Variants in ZBTB46 observed in about 807,000 individuals in gnomAD.
ZBTB46 encodes the protein zinc finger and BTB domain-containing protein 46.
In ZBTB46, 8 loss-of-function variants were observed where a neutral mutation model predicts 44.1. The observed-to-expected ratio is 0.18, with a 90% CI of 0.11 to 0.33. ZBTB46 has a LOEUF of 0.33. Among genes scored for constraint, ZBTB46 ranks in the 10% least tolerant of loss-of-function variants. The pLI, the probability that ZBTB46 is intolerant of heterozygous loss-of-function variation, is 1.00. For synonymous variants in ZBTB46, 409 were observed against 382.3 expected (o/e 1.07, Z -0.81); for missense variants, 651 against 847.7 (o/e 0.77, Z 2.88).
At chr20:63,777,903 G>A (rs905339300) in intron 2 of ZBTB46, among the ~76,000 whole-genome samples, 1 of 152,160 alleles carries the variant, frequency 6.6e-6, no homozygotes, top group Non-Finnish European at 1.5e-5. Flanking sequence ...CCACGCAGAG[G>A]AGCCTTGAAA....
chr20:63,776,765 C>A (rs1286324543), intron 2 of ZBTB46, among the ~76,000 whole-genome samples: 1 of 150,732 alleles, frequency 6.6e-6, no homozygotes, highest in Non-Finnish European at 1.5e-5. Flanking sequence ...GATCACACCA[C>A]TGCACTCTAG....
At chr20:63,784,618 C>G (rs1034381001) in intron 2 of ZBTB46, among the ~76,000 whole-genome samples, 1 of 152,230 alleles carries the variant, frequency 6.6e-6, no homozygotes, top group African/African-American at 2.4e-5. Flanking sequence ...GTGCTCCCTC[C>G]GCAGATGAGA....
chr20:63,747,584 C>T (rs1223170891), intron 4 of ZBTB46, among the ~76,000 whole-genome samples: 2 of 131,908 alleles, frequency 1.5e-5, no homozygotes, highest in African/African-American at 2.8e-5. Context: ...TGGGGGGGCA[C>T]AGCCTCCCGG....
At chr20:63,806,789 G>T (rs4809349) in intron 1 of ZBTB46, among the ~76,000 whole-genome samples, 27,144 of 143,050 alleles carry the variant, frequency 0.19, 2,929 homozygotes, top group East Asian at 0.46. Flanking sequence ...TTTTGTTTTG[G>T]TTTTTTTTTT....
At chr20:63,770,376 G>C (rs542453616) in intron 3 of ZBTB46, among the ~76,000 whole-genome samples, 2 of 152,210 alleles carry the variant, frequency 1.3e-5, no homozygotes, top group South Asian at 4.1e-4. Flanking sequence ...GCCTACTGCT[G>C]AAAAAGGAAT....
intron 1 of ZBTB46, among the ~76,000 whole-genome samples, chr20:63,798,619 G>T (rs1449185803): frequency 1.5e-5 from 2 of 136,082 alleles, no homozygotes; most frequent in Admixed American, 1.7e-4. Flanking sequence ...AGGTTGCAGT[G>T]AGCCAAGATC....
intron 1 of ZBTB46, among the ~76,000 whole-genome samples, chr20:63,794,562 G>A (rs553460782): frequency 1.3e-5 from 2 of 152,284 alleles, no homozygotes; most frequent in South Asian, 4.1e-4. Flanking sequence ...ATCTCTCTAA[G>A]CCCAGAACAG....
chr20:63,772,774 C>T (rs1005775723), intron 3 of ZBTB46, among the ~76,000 whole-genome samples: 2 of 149,198 alleles, frequency 1.3e-5, no homozygotes, highest in South Asian at 2.1e-4. Context: ...CACAGAAGTG[C>T]GGGGTGTGCC....
intron 4 of ZBTB46, among the ~76,000 whole-genome samples, chr20:63,749,486 G>A (rs1488055561): frequency 2.6e-5 from 4 of 152,076 alleles, no homozygotes; most frequent in African/African-American, 4.8e-5. Flanking sequence ...ACAGGCACCC[G>A]CCACCACGCC....
chr20:63,766,011 T>C (rs1197130161), intron 3 of ZBTB46, among the ~76,000 whole-genome samples: 1 of 152,012 alleles, frequency 6.6e-6, no homozygotes, highest in Non-Finnish European at 1.5e-5. Context: ...GCCCACCTGC[T>C]GCCCACCCTG....
chr20:63,782,338 G>A (rs2092478011), intron 2 of ZBTB46, among the ~76,000 whole-genome samples: 1 of 152,182 alleles, frequency 6.6e-6, no homozygotes, highest in African/African-American at 2.4e-5. Flanking sequence ...GAAGGAGGCA[G>A]GAGGGTGACA....
At chr20:63,754,695 G>A (rs1601397276) in intron 3 of ZBTB46, among the ~76,000 whole-genome samples, 1 of 151,980 alleles carries the variant, frequency 6.6e-6, no homozygotes, top group South Asian at 2.1e-4. Flanking sequence ...TGCCTCCCGG[G>A]TTCACATCAT....
intron 1 of ZBTB46, among the ~76,000 whole-genome samples, chr20:63,794,055 G>T (rs1013063332): frequency 6.6e-6 from 1 of 151,898 alleles, no homozygotes; most frequent in Non-Finnish European, 1.5e-5. Flanking sequence ...GCGTGATGGC[G>T]AGTGCCTGTA....
At chr20:63,779,622 G>A (rs1008917956) in intron 2 of ZBTB46, among the ~76,000 whole-genome samples, 6 of 151,690 alleles carry the variant, frequency 4.0e-5, no homozygotes, top group African/African-American at 1.2e-4. Context: ...GGGTTTCACC[G>A]TGTTAGCCAA....
At position 63,798,685 on chromosome 20, in the gene ZBTB46, A is replaced by AAAAAAAAAAAAAAAAAAAC. The variant is rs1417351365; in HGVS notation, c.-33-7896_-33-7895insGTTTTTTTTTTTTTTTTTT. ...GCTAGACTCTGTCTCAAAAAAAAAAAAAAAAAAATTAGCTGGGCATGGTAG... is the reference window on the plus strand; with the variant it reads ...GCTAGACTCTGTCTCAAAAAAAAAAAAAAAAAAAAAAAAAAAAACAAAAAAAATTAGCTGGGCATGGTAG... On this transcript the variant is annotated intron_variant, in intron 1 of 4. Transcript: ENST00000245663. Among the ~76,000 whole-genome samples, 1,075 of 127,790 alleles carry AAAAAAAAAAAAAAAAAAAC rather than the reference A, an allele frequency of 8.4e-3. 41 individuals carry two copies. Among genetic ancestry groups the AAAAAAAAAAAAAAAAAAAC allele is most frequent in the Non-Finnish European group, 0.013 (785 of 60,440 alleles). The allele number at this position is 127,790 out of a possible 152,430, so 83.8% of individuals were successfully genotyped here. A position where few individuals can be genotyped will look rare whatever the true frequency, so the allele number is the denominator to read the frequency against.
intron 1 of ZBTB46, among the ~76,000 whole-genome samples, chr20:63,808,998 AAG>A (rs1458599594): frequency 2.1e-5 from 3 of 144,998 alleles, no homozygotes; most frequent in African/African-American, 5.2e-5. Flanking sequence ...AAAAAAAAAA[AAG>A]AAAAAGAAAA....
At chr20:63,758,195 G>A (rs1245291911) in intron 3 of ZBTB46, among the ~76,000 whole-genome samples, 11 of 85,040 alleles carry the variant, frequency 1.3e-4, no homozygotes, top group South Asian at 4.4e-4. Context: ...CCCCCCACCC[G>A]CCCCGTCCAG....
chr20:63,815,791 G>A (rs2092749300), intron 1 of ZBTB46, among the ~76,000 whole-genome samples: 1 of 149,792 alleles, frequency 6.7e-6, no homozygotes, highest in Non-Finnish European at 1.5e-5. Context: ...GAAGGTGCAG[G>A]TGCAGTGGGT....
At chr20:63,786,431 A>G in intron 2 of ZBTB46, among the ~76,000 whole-genome samples, 1 of 152,188 alleles carries the variant, frequency 6.6e-6, no homozygotes, top group South Asian at 2.1e-4. Context: ...AGTACCCAGG[A>G]CAGCCTCACG....
Sources: allele counts gnomAD v4.1 joint callset (sites outside exome capture counted in the v4.1 genomes callset), GRCh38; gene constraint gnomAD v4.1.1; transcripts MANE v1.5; gene names NCBI Gene and HGNC (gene_info 2026-07-23, HGNC 2026-07-21).